Variants in CELSR1 observed in about 807,000 individuals in gnomAD.
CELSR1 encodes cadherin EGF LAG seven-pass G-type receptor 1.
In CELSR1, 110 loss-of-function variants were observed where a neutral mutation model predicts 249.1. The observed-to-expected ratio is 0.44, with a 90% confidence interval of 0.38 to 0.52. The LOEUF (loss-of-function observed/expected upper bound fraction) is 0.52. CELSR1 is among the 20% of genes least tolerant of loss of function. CELSR1 has a pLI of 0.00. For missense variants in CELSR1, 4,109 were observed against 4,296.4 expected (o/e 0.96, Z 1.22); for synonymous variants, 2,113 against 1,900.0 (o/e 1.11, Z -2.92).
chr22:46,521,041 G>C (rs1322240554), intron 1 of CELSR1, among the ~76,000 whole-genome samples: 1 of 152,188 alleles, frequency 6.6e-6, no homozygotes, highest in African/African-American at 2.4e-5. Flanking sequence ...CCACGTTGTA[G>C]TAAGTGTCAG....
intron 32 of CELSR1, among the ~76,000 whole-genome samples, 191 bp downstream of exon 32, chr22:46,365,040 G>T (rs935354076): frequency 6.6e-6 from 1 of 152,224 alleles, no homozygotes; most frequent in Non-Finnish European, 1.5e-5. Context: ...CCGCTCAGGG[G>T]GTTGGCCTGG....
At chr22:46,377,736 T>TAA in intron 23 of CELSR1, 2 of 178,682 alleles carry the variant, frequency 1.1e-5, no homozygotes, top group South Asian at 1.3e-4. Context: ...CATTTGCCCA[T>TAA]GAGACAGGGG....
At chr22:46,528,853 C>T (rs1169151428) in intron 1 of CELSR1, among the ~76,000 whole-genome samples, 3 of 151,238 alleles carry the variant, frequency 2.0e-5, no homozygotes, top group East Asian at 1.9e-4. Flanking sequence ...GGCGTGAACC[C>T]GGGAGGCGGA....
rs2079073117 is a variant in CELSR1 at position 46,390,107 on chromosome 22, C to A, written c.6345+285G>T. On this transcript the variant is annotated intron_variant, in intron 17 of 34. Coordinates refer to ENST00000674500, the MANE Select transcript of CELSR1 (RefSeq NM_001378328.1). This position sits in a 1 kb window ranked among gnomAD's most constrained non-coding sequence, Gnocchi z 6.3. ...CATGAAATAGGGCAGGATCAGAGGG[C>A]AAATGGAGTCAAATGCAGGGACCCC... Among the ~76,000 whole-genome samples the A allele has an allele frequency of 6.6e-6, 1 of 152,150 alleles. No individual in the cohort carries two copies. Among genetic ancestry groups the A allele is most frequent in the Admixed American group, 6.5e-5 (1 of 15,272 alleles).
Position 46,393,397 on chromosome 22 carries a change from C to G in CELSR1, c.5964+745G>C, listed in dbSNP as rs1170039492. 1.3e-5 allele frequency among the ~76,000 whole-genome samples: 2 copies of G among 151,948 alleles called. No individual in the cohort carries two copies. The highest frequency in any genetic ancestry group is 2.9e-5 in the Non-Finnish European group (2 of 67,838). ...GTGGGGCATAACGCACTTAGTGACA[C>G]TTTCTATTTTAAAACTGCTGTCATC... On this transcript the variant is annotated intron_variant, in intron 14 of 34. Transcript: ENST00000674500. The surrounding 1 kb of genome is among the most constrained non-coding windows in gnomAD (Gnocchi z 4.1).
Position 46,380,114 on chromosome 22 carries a change from T to C in CELSR1, c.7256+674A>G, listed in dbSNP as rs1484419691. On this transcript the variant is annotated intron_variant, in intron 22 of 34. Transcript: ENST00000674500. This position sits in a 1 kb window ranked among gnomAD's most constrained non-coding sequence, Gnocchi z 5.1. ...CCAGCAGACGGGAGCCACACTGTGG[T>C]GCTGAATCCAGTCTCACGTGTGGGT... Among the ~76,000 whole-genome samples the C allele has an allele frequency of 2.0e-5, 3 of 152,260 alleles. No homozygotes were observed. The highest frequency in any genetic ancestry group is 2.0e-4 in the Admixed American group (3 of 15,292).
chr22:46,409,652 C>T lies in CELSR1; in HGVS notation c.5059+103G>A, dbSNP rs1020644482. ...TGCAGCATATACCACCAGAGGCTGC[C>T]GGACCTGGATGTGAAGCCCCCTCAC... On this transcript the variant is annotated intron_variant, in intron 8 of 34. Coordinates refer to ENST00000674500, the MANE Select transcript of CELSR1 (RefSeq NM_001378328.1). The surrounding 1 kb of genome is among the most constrained non-coding windows in gnomAD (Gnocchi z 9.8). The T allele has an allele frequency of 1.6e-4, 226 of 1,412,314 alleles. 1 individual carries two copies. Among genetic ancestry groups the T allele is most frequent in the Non-Finnish European group, 2.1e-4 (217 of 1,019,678 alleles). 87.5% of individuals were successfully genotyped at this position (1,412,314 alleles called of 1,614,324 possible). A position where few individuals can be genotyped will look rare whatever the true frequency, so the allele number is the denominator to read the frequency against.
At chr22:46,498,130 T>G (rs1430371779) in intron 1 of CELSR1, among the ~76,000 whole-genome samples, 1 of 150,796 alleles carries the variant, frequency 6.6e-6, no homozygotes, top group African/African-American at 2.4e-5. Context: ...CACCTGTAAG[T>G]CCCAGCTACT....
At chr22:46,486,156 G>A (rs1332673645) in intron 1 of CELSR1, among the ~76,000 whole-genome samples, 1 of 151,330 alleles carries the variant, frequency 6.6e-6, no homozygotes, top group Non-Finnish European at 1.5e-5. Context: ...AGCCAGGATG[G>A]TCTCGATCTC....
chr22:46,536,524 G>A lies in CELSR1; in HGVS notation c.647C>T (p.Pro216Leu), dbSNP rs1418672463. 12 of 1,466,434 alleles carry A rather than the reference G, an allele frequency of 8.2e-6. No individual in the cohort carries two copies. Among genetic ancestry groups the A allele is most frequent in the African/African-American group, 4.4e-5 (3 of 67,650 alleles). The allele number at this position is 1,466,434 out of a possible 1,614,324, so 90.8% of individuals were successfully genotyped here. A position where few individuals can be genotyped will look rare whatever the true frequency, so the allele number is the denominator to read the frequency against. Reference protein sequence around the residue: ...GTPSASPSPSPPLPPNLPEAR... With the variant: ...GTPSASPSPSLPLPPNLPEAR... ...TTCGGGCAAGTTCGGCGGCAGGGGCGGCGATGGGGATGGCGACGCGGAGGG... is the reference window on the plus strand; with the variant it reads ...TTCGGGCAAGTTCGGCGGCAGGGGCAGCGATGGGGATGGCGACGCGGAGGG... The change falls in exon 1 of 35, where the codon CCG (proline) becomes CTG (leucine). Residue 216 changes from proline (P) to leucine (L), a missense_variant. Pro to Leu is a moderately conservative substitution (Grantham distance 98, BLOSUM62 -3). Around this residue, in one of 7 missense-constraint regions of CELSR1, gnomAD observed 673 missense variants for 636.8 expected, o/e 1.06. Transcript: ENST00000674500.
intron 1 of CELSR1, among the ~76,000 whole-genome samples, chr22:46,513,845 G>A (rs2080598569): frequency 1.3e-5 from 2 of 152,128 alleles, no homozygotes; most frequent in Admixed American, 1.3e-4. Flanking sequence ...AGGCTGGAGT[G>A]CAGTGGCACA....
At chr22:46,394,402 A>C in intron 13 of CELSR1, 140 bp from the exon 14 acceptor site, 1 of 969,538 alleles carries the variant, frequency 1.0e-6, no homozygotes, top group Non-Finnish European at 1.5e-6. Flanking sequence ...CTTCCACGTT[A>C]CATGGCCTCA....
Position 46,468,600 on chromosome 22 carries a change from G to C in CELSR1, c.3545-4255C>G, listed in dbSNP as rs2080122985. On this transcript the variant is annotated intron_variant, in intron 1 of 34. Transcript: ENST00000674500. This position sits in a 1 kb window ranked among gnomAD's most constrained non-coding sequence, Gnocchi z 4.5. ...GTAGAATGATGGGTGCCACGGGTGGGGAGGCAGATTGGGGAGCTGTTGTTT... is the reference window on the plus strand; with the variant it reads ...GTAGAATGATGGGTGCCACGGGTGGCGAGGCAGATTGGGGAGCTGTTGTTT... 6.6e-6 allele frequency among the ~76,000 whole-genome samples: 1 copy of C among 152,128 alleles called. No homozygotes were observed.
chr22:46,367,992 C>G, intron 27 of CELSR1, 137 bp from the exon 28 acceptor site: 1 of 1,253,680 alleles, frequency 8.0e-7, no homozygotes, highest in Non-Finnish European at 1.1e-6. Flanking sequence ...ACCCAGCCAT[C>G]ATCCACCTTG....
intron 2 of CELSR1, among the ~76,000 whole-genome samples, chr22:46,460,211 A>ACACACACCCCCC (rs773925316): frequency 4.7e-5 from 7 of 148,870 alleles, no homozygotes; most frequent in African/African-American, 1.0e-4. Context: ...ACACACACAC[A>ACACACACCCCCC]CACACCCATT....
Position 46,535,106 on chromosome 22 carries a change from G to C in CELSR1, c.2065C>G (p.Gln689Glu), listed in dbSNP as rs1186556725. The C allele has an allele frequency of 6.2e-7, 1 of 1,611,944 alleles. No individual in the cohort carries two copies. The highest frequency in any genetic ancestry group is 8.5e-7 in the Non-Finnish European group (1 of 1,179,894). Residue 689 changes from glutamine to glutamate, a missense_variant, in exon 1 of 35, where the codon CAG becomes GAG. This residue lies in a region of CELSR1 where 886 missense variants were observed against 896.5 expected (regional missense o/e 0.99). Transcript: ENST00000674500. ...DVNDNDPVFT[Q>E]PTYELRLNED... The stretch of plus-strand genomic sequence containing the variant: ...TTCAGACGAAGCTCGTAGGTGGGCT[G>C]CGTGAACACCGGGTCGTTGTCATTC...
intron 2 of CELSR1, among the ~76,000 whole-genome samples, chr22:46,457,663 C>T (rs138900797): frequency 3.3e-5 from 5 of 152,358 alleles, no homozygotes; most frequent in South Asian, 2.1e-4. Flanking sequence ...GAAGGCTTCC[C>T]GGGAATGCCC....
intron 2 of CELSR1, among the ~76,000 whole-genome samples, chr22:46,442,620 G>A (rs963607045): frequency 2.0e-5 from 3 of 152,256 alleles, no homozygotes; most frequent in Non-Finnish European, 4.4e-5. Context: ...GTCGTTTTAG[G>A]AAAGCCTGTC....
In CELSR1 at chr22:46,402,625, A is replaced by C. The variant is rs557478068; in HGVS notation, c.5227-2723T>G. ...AGGTAATATGCTTGAAAACCAAGAG[A>C]AGCAAGGAAGAGTGGCAACAGACCA... On this transcript the variant is annotated intron_variant, in intron 9 of 34. Coordinates refer to ENST00000674500, the MANE Select transcript of CELSR1 (RefSeq NM_001378328.1). The surrounding 1 kb of genome is among the most constrained non-coding windows in gnomAD (Gnocchi z 5.0). 6.6e-6 allele frequency among the ~76,000 whole-genome samples: 1 copy of C among 152,214 alleles called. No individual in the cohort carries two copies. The highest frequency in any genetic ancestry group is 1.5e-5 in the Non-Finnish European group (1 of 68,046).
Sources: allele counts gnomAD v4.1 joint callset (sites outside exome capture counted in the v4.1 genomes callset), GRCh38; gene constraint gnomAD v4.1.1; regional missense constraint gnomAD v4.1.1; non-coding constraint Gnocchi (gnomAD v3.1); transcripts MANE v1.5; gene names NCBI Gene and HGNC (gene_info 2026-07-23, HGNC 2026-07-21).